Variants in UBE2K observed in about 807,000 individuals in gnomAD.
The protein encoded by UBE2K is ubiquitin conjugating enzyme E2 K.
In UBE2K, 6 loss-of-function variants were observed where a neutral mutation model predicts 30.0. The ratio of observed to expected loss-of-function variants is 0.20; its 90% CI spans 0.11 to 0.39. The LOEUF (loss-of-function observed/expected upper bound fraction) is 0.39, where lower values mean the gene tolerates loss of function less well. UBE2K is among the 10% of genes least tolerant of loss of function. The pLI is 1.00. For synonymous variants in UBE2K, 86 were observed against 83.7 expected (o/e 1.03, Z -0.15); for missense variants, 61 against 241.6 (o/e 0.25, Z 4.96).
intron 1 of UBE2K, among the ~76,000 whole-genome samples, chr4:39,728,800 G>A (rs534232360): frequency 1.6e-4 from 24 of 149,192 alleles, no homozygotes; most frequent in African/African-American, 5.2e-4. Context: ...CACCACGCCC[G>A]GCTAGTAGGT....
chr4:39,720,404 T>A (rs1055418017), intron 1 of UBE2K, among the ~76,000 whole-genome samples: 2 of 152,216 alleles, frequency 1.3e-5, no homozygotes, highest in Non-Finnish European at 2.9e-5. Flanking sequence ...GTGGTTCAAT[T>A]CTTTAGTGTA....
At position 39,724,583 on chromosome 4, in the gene UBE2K, CAAAAAAAAAAAAAAA is replaced by C. The variant is rs60854193; in HGVS notation, c.64-12824_64-12810del. ...GCAACATGGTAAAACCCCGTCTCTG[CAAAAAAAAAAAAAAA>C]AAAAAAAAAAAATACAAAAATTAGC... On this transcript the variant is annotated intron_variant, in intron 1 of 6. Coordinates refer to ENST00000261427, the MANE Select transcript of UBE2K (RefSeq NM_005339.5). Among the ~76,000 whole-genome samples the C allele has an allele frequency of 2.6e-3, 136 of 52,162 alleles. 1 individual carries two copies. The highest frequency in any genetic ancestry group is 0.011 in the African/African-American group (135 of 12,388). The allele number at this position is 52,162 out of a possible 152,430, so 34.2% of individuals were successfully genotyped here. A position where few individuals can be genotyped will look rare whatever the true frequency, so the allele number is the denominator to read the frequency against.
At chr4:39,737,045 G>T (rs886684554) in intron 1 of UBE2K, among the ~76,000 whole-genome samples, 2 of 152,308 alleles carry the variant, frequency 1.3e-5, no homozygotes, top group African/African-American at 4.8e-5. Flanking sequence ...TGGGGGTATA[G>T]TGCAGAATAT....
In UBE2K at chr4:39,780,410, A is replaced by G. The variant is rs973925859; in HGVS notation, c.*1976A>G. On this transcript the variant is annotated 3_prime_UTR_variant, in exon 7 of 7. Transcript: ENST00000261427. ...TTTTTTGCCTGTATTATCAGGGTATATTTAATTGTCCTGTGGTTAAACAAA... is the reference window on the plus strand; with the variant it reads ...TTTTTTGCCTGTATTATCAGGGTATGTTTAATTGTCCTGTGGTTAAACAAA... The G allele has an allele frequency of 3.3e-5, 5 of 152,102 alleles. No homozygotes were observed. Among genetic ancestry groups the G allele is most frequent in the African/African-American group, 1.2e-4 (5 of 41,430 alleles). 9.4% of individuals were successfully genotyped at this position (152,102 alleles called of 1,614,324 possible).
chr4:39,713,250 T>C (rs1464895939), intron 1 of UBE2K, among the ~76,000 whole-genome samples: 1 of 151,162 alleles, frequency 6.6e-6, no homozygotes, highest in Non-Finnish European at 1.5e-5. Flanking sequence ...AAAAGAAAAT[T>C]AGGTGGTTTG....
At chr4:39,701,946 A>G (rs1718036991) in intron 1 of UBE2K, among the ~76,000 whole-genome samples, 1 of 151,630 alleles carries the variant, frequency 6.6e-6, no homozygotes, top group South Asian at 2.1e-4. Context: ...TTTTTAGTAG[A>G]GACGACGTTT....
intron 1 of UBE2K, among the ~76,000 whole-genome samples, chr4:39,734,065 A>C (rs1450211628): frequency 1.3e-5 from 2 of 150,932 alleles, no homozygotes; most frequent in Non-Finnish European, 2.9e-5. Flanking sequence ...TTTTATCTTT[A>C]GTTCTGTGCA....
At chr4:39,708,229 A>G (rs1450895401) in intron 1 of UBE2K, among the ~76,000 whole-genome samples, 1 of 152,058 alleles carries the variant, frequency 6.6e-6, no homozygotes, top group Non-Finnish European at 1.5e-5. Context: ...ACTTTTCTTT[A>G]GGCACATGAA....
intron 1 of UBE2K, among the ~76,000 whole-genome samples, chr4:39,709,419 T>C (rs1718552913): frequency 6.6e-6 from 1 of 152,010 alleles, no homozygotes; most frequent in Non-Finnish European, 1.5e-5. Context: ...TTATCTGCAG[T>C]TTGATTTTCT....
intron 1 of UBE2K, among the ~76,000 whole-genome samples, chr4:39,702,243 T>TC (rs1718067776): frequency 2.4e-4 from 2 of 8,366 alleles, no homozygotes; most frequent in East Asian, 0.015. Flanking sequence ...TTTTTTTTTT[T>TC]TTTTTTTTTT....
intron 4 of UBE2K, among the ~76,000 whole-genome samples, chr4:39,763,244 TA>T (rs1421596606): frequency 7.0e-6 from 1 of 141,938 alleles, no homozygotes; most frequent in Non-Finnish European, 1.5e-5. Context: ...CATCCAGCCT[TA>T]AAACACTTTT....
intron 1 of UBE2K, among the ~76,000 whole-genome samples, chr4:39,712,905 G>A (rs376386777): frequency 1.3e-4 from 19 of 146,406 alleles, no homozygotes; most frequent in African/African-American, 4.6e-4. Flanking sequence ...TCGCTTTGTC[G>A]CCCAGACTGG....
intron 1 of UBE2K, among the ~76,000 whole-genome samples, chr4:39,700,849 C>T (rs748907002): frequency 7.9e-5 from 12 of 152,192 alleles, no homozygotes; most frequent in African/African-American, 2.4e-5. Flanking sequence ...TTATAAGTGG[C>T]CGTTCTTAGA....
At chr4:39,758,308 T>TTGCATTAGGCAG (rs1198747656) in intron 4 of UBE2K, among the ~76,000 whole-genome samples, 4 of 152,174 alleles carry the variant, frequency 2.6e-5, no homozygotes. Flanking sequence ...GCCTGCATGA[T>TTGCATTAGGCAG]TGCATTAGTC....
intron 3 of UBE2K, among the ~76,000 whole-genome samples, chr4:39,753,353 G>T (rs1456715385): frequency 2.7e-5 from 4 of 148,922 alleles, no homozygotes; most frequent in Non-Finnish European, 6.0e-5. Context: ...TTCTCTGGGG[G>T]GGAAAAAAGG....
chr4:39,754,583 T>TAGCA (rs1721432899), intron 3 of UBE2K, among the ~76,000 whole-genome samples: 1 of 152,174 alleles, frequency 6.6e-6, no homozygotes, highest in South Asian at 2.1e-4. Context: ...CGATCACGGC[T>TAGCA]TGCTGCAGCT....
chr4:39,723,261 G>A (rs1034760637), intron 1 of UBE2K, among the ~76,000 whole-genome samples: 2 of 150,006 alleles, frequency 1.3e-5, no homozygotes, highest in South Asian at 4.2e-4. Flanking sequence ...GCCCAGGCTG[G>A]TCTCGAACTA....
chr4:39,731,110 C>G (rs1720048839), intron 1 of UBE2K, among the ~76,000 whole-genome samples: 1 of 152,112 alleles, frequency 6.6e-6, no homozygotes. Context: ...CTCAGCTGGT[C>G]TCGAACTCCT....
chr4:39,708,669 T>G (rs1250092486), intron 1 of UBE2K, among the ~76,000 whole-genome samples: 1 of 152,064 alleles, frequency 6.6e-6, no homozygotes, highest in Non-Finnish European at 1.5e-5. Context: ...TGCCAAAATG[T>G]ATTGAATTTC....
Sources: allele counts gnomAD v4.1 joint callset (sites outside exome capture counted in the v4.1 genomes callset), GRCh38; gene constraint gnomAD v4.1.1; transcripts MANE v1.5; gene names NCBI Gene and HGNC (gene_info 2026-07-23, HGNC 2026-07-21).